The following TRIT1 variants were observed in gnomAD, a reference collection of about 807,000 sequenced individuals.
The protein encoded by TRIT1 is tRNA isopentenyltransferase 1.
TRIT1 carries 43 observed loss-of-function variants against 51.2 expected under a neutral mutation model. That is an observed-to-expected ratio of 0.84 (90% CI 0.66 to 1.08). The LOEUF is 1.08. TRIT1 is among the 50% of genes least tolerant of loss of function. The pLI is 0.00. For missense variants in TRIT1, 528 were observed against 578.4 expected (o/e 0.91, Z 0.89); for synonymous variants, 184 against 203.9 (o/e 0.90, Z 0.83).
chr1:39,882,512 G>A (rs1223371756), intron 1 of TRIT1, among the ~76,000 whole-genome samples: 1 of 152,156 alleles, frequency 6.6e-6, no homozygotes, highest in Non-Finnish European at 1.5e-5. Context: ...CACTCTTAAT[G>A]GAGCAAAATG....
At chr1:39,871,502 C>G (rs189363979) in intron 1 of TRIT1, among the ~76,000 whole-genome samples, 109 of 152,214 alleles carry the variant, frequency 7.2e-4, no homozygotes, top group African/African-American at 2.5e-3. Context: ...ATTGCTTGAG[C>G]CCAGGAAGTT....
At chr1:39,856,437 C>T (rs1487612186) in intron 2 of TRIT1, among the ~76,000 whole-genome samples, 1 of 145,972 alleles carries the variant, frequency 6.9e-6, no homozygotes, top group East Asian at 2.0e-4. Context: ...TGAGCCATGA[C>T]GGTGCCACTG....
At chr1:39,854,817 T>C (rs1642799702) in intron 2 of TRIT1, among the ~76,000 whole-genome samples, 1 of 152,198 alleles carries the variant, frequency 6.6e-6, no homozygotes, top group African/African-American at 2.4e-5. Context: ...GATAATTATC[T>C]GCTTTAAGGC....
intron 1 of TRIT1, among the ~76,000 whole-genome samples, chr1:39,870,564 A>AAT (rs1643840833): frequency 6.6e-6 from 1 of 151,290 alleles, no homozygotes; most frequent in Admixed American, 6.6e-5. Context: ...TCTTTAGGGA[A>AAT]ATGTAAATTA....
Position 39,866,088 on chromosome 1 carries a change from AGAAGAAAG to A in TRIT1, c.175-8679_175-8672del, listed in dbSNP as rs1241473823. Among the ~76,000 whole-genome samples the A allele has an allele frequency of 6.3e-5, 6 of 95,806 alleles. No homozygotes were observed. The South Asian group carries it at 1.3e-3, about 21-fold the overall frequency. 62.9% of individuals were successfully genotyped at this position (95,806 alleles called of 152,430 possible). A position where few individuals can be genotyped will look rare whatever the true frequency, so the allele number is the denominator to read the frequency against. Reference sequence around the variant, plus strand: ...GGGAGAGAGGGAGGGAGGGAAGGAAAGAAGAAAGGAAGGAAGGAAGGAAGGAAGGAAGG... The same window carrying A: ...GGGAGAGAGGGAGGGAGGGAAGGAAAGAAGGAAGGAAGGAAGGAAGGAAGG... On this transcript the variant is annotated intron_variant, in intron 1 of 10. Coordinates refer to ENST00000316891, the MANE Select transcript of TRIT1 (RefSeq NM_017646.6).
At chr1:39,865,671 C>CAAAA (rs142393332) in intron 1 of TRIT1, among the ~76,000 whole-genome samples, 7,886 of 67,784 alleles carry the variant, frequency 0.12, 494 homozygotes, top group East Asian at 0.27. Context: ...TCTGTCTCTA[C>CAAAA]AAAAAAAAAA....
chr1:39,873,642 G>A (rs531295270), intron 1 of TRIT1, among the ~76,000 whole-genome samples: 2 of 152,310 alleles, frequency 1.3e-5, no homozygotes, highest in Non-Finnish European at 2.9e-5. Context: ...AATGTACCAT[G>A]ATGATGTAAG....
chr1:39,853,833 G>C, intron 3 of TRIT1, 137 bp downstream of exon 3: 1 of 625,538 alleles, frequency 1.6e-6, no homozygotes, highest in Non-Finnish European at 2.8e-6. Flanking sequence ...GGTGGCATTT[G>C]CTTGAGAATA....
At chr1:39,866,073 G>A (rs1489249442) in intron 1 of TRIT1, among the ~76,000 whole-genome samples, 2 of 133,312 alleles carry the variant, frequency 1.5e-5, no homozygotes, top group Non-Finnish European at 3.2e-5. Context: ...GGGAGAGAGG[G>A]AGGGAGGGAA....
intron 1 of TRIT1, among the ~76,000 whole-genome samples, chr1:39,874,159 G>A (rs1643970653): frequency 6.6e-6 from 1 of 152,146 alleles, no homozygotes; most frequent in African/African-American, 2.4e-5. Flanking sequence ...GTAAGACCGT[G>A]TCTCAATCAA....
At position 39,841,400 on chromosome 1, in the gene TRIT1, G is replaced by C. The variant is rs1376950137; in HGVS notation, c.*344C>G. The stretch of plus-strand genomic sequence containing the variant: ...GGACATAAAACTTCTTTAAAGGGAT[G>C]CAGTCAATCCTGGTATTCACCACAA... On this transcript the variant is annotated 3_prime_UTR_variant, in exon 11 of 11. Transcript: ENST00000316891. 1 of 173,708 alleles carries C rather than the reference G, an allele frequency of 5.8e-6. No homozygotes were observed. The highest frequency in any genetic ancestry group is 1.2e-5 in the Non-Finnish European group (1 of 82,646). 10.8% of individuals were successfully genotyped at this position (173,708 alleles called of 1,614,324 possible).
At chr1:39,865,692 A>G (rs984623238) in intron 1 of TRIT1, among the ~76,000 whole-genome samples, 2 of 144,406 alleles carry the variant, frequency 1.4e-5, no homozygotes, top group African/African-American at 5.2e-5. Flanking sequence ...AAAAAAAAAG[A>G]AAAGAAAATT....
chr1:39,877,397 T>C (rs950434098), intron 1 of TRIT1, among the ~76,000 whole-genome samples: 2 of 151,314 alleles, frequency 1.3e-5, no homozygotes, highest in African/African-American at 4.9e-5. Context: ...ACACATATTC[T>C]GCTTGCTTAC....
Position 39,842,818 on chromosome 1 carries a change from G to C in TRIT1, c.1235-905C>G, listed in dbSNP as rs142229228. Among the ~76,000 whole-genome samples, 437 of 152,298 alleles carry C rather than the reference G, an allele frequency of 2.9e-3. 1 individual carries two copies. The highest frequency in any genetic ancestry group is 4.9e-3 in the Non-Finnish European group (330 of 68,030). ...TAAGTAAGGTAGAGGTTAGAATTAA[G>C]AGAAAAGTTTACTTGGGGAAGAAGT... On this transcript the variant is annotated intron_variant, in intron 10 of 10. Transcript: ENST00000316891.
Position 39,841,722 on chromosome 1 carries a change from CA to C in TRIT1, c.*21del, listed in dbSNP as rs770195357. 4 of 1,592,770 alleles carry C rather than the reference CA, an allele frequency of 2.5e-6. No individual in the cohort carries two copies. Among genetic ancestry groups the C allele is most frequent in the Non-Finnish European group, 3.4e-6 (4 of 1,170,524 alleles). ...CTGAACTGGATCCCCACCACCTTTC[CA>C]AAGGCCACTGGACATGTCTCTTAAA... is the stretch of plus-strand genomic sequence containing the variant. On this transcript the variant is annotated 3_prime_UTR_variant, in exon 11 of 11. Coordinates refer to ENST00000316891, the MANE Select transcript of TRIT1 (RefSeq NM_017646.6).
chr1:39,869,582 A>T (rs1643759042), intron 1 of TRIT1, among the ~76,000 whole-genome samples: 1 of 148,926 alleles, frequency 6.7e-6, no homozygotes, highest in Non-Finnish European at 1.5e-5. Context: ...GGATGTGAGG[A>T]GCCCCTCTGC....
In TRIT1 at chr1:39,857,568, C is replaced by T. The variant is rs577664730; in HGVS notation, c.175-151G>A. 22 of 781,984 alleles carry T rather than the reference C, an allele frequency of 2.8e-5. No homozygotes were observed. The Middle Eastern group carries it at 7.5e-4, about 27-fold the overall frequency. 48.4% of individuals were successfully genotyped at this position (781,984 alleles called of 1,614,324 possible). A position where few individuals can be genotyped will look rare whatever the true frequency, so the allele number is the denominator to read the frequency against. On this transcript the variant is annotated intron_variant, in intron 1 of 10. Coordinates refer to ENST00000316891, the MANE Select transcript of TRIT1 (RefSeq NM_017646.6). ...AGATGTATTCTAACAAACAGCACAG[C>T]CAGATCCACGAAACCCAAAACAAAG...
At chr1:39,858,049 A>G (rs1643003178) in intron 1 of TRIT1, among the ~76,000 whole-genome samples, 1 of 152,206 alleles carries the variant, frequency 6.6e-6, no homozygotes, top group Non-Finnish European at 1.5e-5. Flanking sequence ...CCTGTCTGTG[A>G]GCTCTTGATC....
intron 8 of TRIT1, 131 bp downstream of exon 8, chr1:39,847,089 G>T (rs1642267273): frequency 3.2e-6 from 2 of 626,268 alleles, no homozygotes; most frequent in Non-Finnish European, 5.4e-6. Flanking sequence ...TTATGTTATA[G>T]AACTTCCCTT....
Sources: gnomAD v4.1 joint callset for allele counts (sites outside exome capture counted in the v4.1 genomes callset) on GRCh38, gnomAD v4.1.1 for gene constraint, MANE v1.5 for transcripts, NCBI Gene and HGNC (gene_info 2026-07-23, HGNC 2026-07-21) for gene names.